The following NLRP1 variants were observed in gnomAD, a reference collection of about 807,000 sequenced individuals.
NLRP1 encodes the protein NACHT, LRR and PYD domains-containing protein 1.
NLRP1 carries 94 observed loss-of-function variants against 136.7 expected under a neutral mutation model. The observed-to-expected ratio is 0.69, with a 90% CI of 0.58 to 0.82. The LOEUF is 0.82. NLRP1 is among the 40% of genes least tolerant of loss of function. NLRP1 has a pLI of 0.00. For missense variants in NLRP1, 1,575 were observed against 1,802.7 expected (o/e 0.87, Z 2.29); for synonymous variants, 690 against 725.1 (o/e 0.95, Z 0.78).
intron 5 of NLRP1, among the ~76,000 whole-genome samples, chr17:5,548,273 C>T: frequency 6.6e-6 from 1 of 152,218 alleles, no homozygotes; most frequent in Non-Finnish European, 1.5e-5. Flanking sequence ...AGATGGGAAC[C>T]TCTCAGCTTC....
chr17:5,581,850 G>C lies in NLRP1; in HGVS notation c.652+9C>G. On this transcript the variant is annotated intron_variant, in intron 3 of 16. Coordinates refer to ENST00000572272, the MANE Select transcript of NLRP1 (RefSeq NM_033004.4). ...TCACCACCCCGCCAGGAGCTCAGTA[G>C]GGTCTCACCTGTGTAGTAAATTCCT... 2 of 1,608,626 alleles carry C rather than the reference G, an allele frequency of 1.2e-6. No individual in the cohort carries two copies. Among genetic ancestry groups the C allele is most frequent in the African/African-American group, 1.3e-5 (1 of 74,932 alleles).
chr17:5,559,513 T>A lies in NLRP1; in HGVS notation c.1183A>T (p.Ile395Phe). 6.2e-7 allele frequency: 1 copy of A among 1,614,226 alleles called. No individual in the cohort carries two copies. ...TCTGGCCTAGACAGGATCTGTCTAATGGGAGCCGGAGTGGCTGTCCCATCT... is the reference window on the plus strand; with the variant it reads ...TCTGGCCTAGACAGGATCTGTCTAAAGGGAGCCGGAGTGGCTGTCCCATCT... ...GKDGTATPAP[I>F]RQILSRPERL... The change falls in exon 4 of 17, where the codon ATT (isoleucine) becomes TTT (phenylalanine). Residue 395 changes from isoleucine to phenylalanine, a missense_variant. Ile to Phe is a conservative substitution (Grantham distance 21, BLOSUM62 0). Transcript: ENST00000572272.
chr17:5,564,328 C>A (rs1272058308), intron 3 of NLRP1, among the ~76,000 whole-genome samples: 1 of 152,116 alleles, frequency 6.6e-6, no homozygotes, highest in Non-Finnish European at 1.5e-5. Context: ...CACTAACTAT[C>A]CCCACCTTTC....
chr17:5,539,944 T>C (rs1284791668), intron 6 of NLRP1, among the ~76,000 whole-genome samples: 1 of 152,234 alleles, frequency 6.6e-6, no homozygotes. Context: ...TCTCACTCTG[T>C]GTCCCAGGCC....
At chr17:5,570,745 G>A (rs1029802532) in intron 3 of NLRP1, among the ~76,000 whole-genome samples, 7 of 152,054 alleles carry the variant, frequency 4.6e-5, no homozygotes, top group African/African-American at 1.7e-4. Flanking sequence ...CATTCTATGA[G>A]TTAGGTATCA....
intron 5 of NLRP1, among the ~76,000 whole-genome samples, chr17:5,551,795 G>A (rs1402310660): frequency 2.6e-5 from 4 of 151,942 alleles, no homozygotes; most frequent in Non-Finnish European, 5.9e-5. Flanking sequence ...TTAGAGATAA[G>A]GTCTGTCTCT....
chr17:5,543,119 C>T (rs549523825), intron 5 of NLRP1, among the ~76,000 whole-genome samples: 1 of 152,088 alleles, frequency 6.6e-6, no homozygotes, highest in Non-Finnish European at 1.5e-5. Flanking sequence ...CGTGAGCCAC[C>T]GTGCCCAGCC....
At chr17:5,518,162 G>T in intron 14 of NLRP1, 1 of 300,960 alleles carries the variant, frequency 3.3e-6, no homozygotes, top group Non-Finnish European at 6.2e-6. Context: ...CCCCCATCTT[G>T]AATCCAAACC....
rs993173274 is a variant in NLRP1, at chr17:5,533,881, T to C, written c.3052+16A>G. On this transcript the variant is annotated intron_variant, in intron 9 of 16. Transcript: ENST00000572272. ...ACCCCTGTCACGATGCTCCCAGCCT[T>C]GCCCCTTCAAACTACCTGATCCGAG... The C allele has an allele frequency of 1.3e-6, 2 of 1,561,824 alleles. No individual in the cohort carries two copies. The highest frequency in any genetic ancestry group is 1.8e-6 in the Non-Finnish European group (2 of 1,136,540).
In NLRP1 at chr17:5,519,368, A is replaced by G. The variant is rs1486546896; in HGVS notation, c.3916-1481T>C. ...GCCATCTTGGCCAGGCTGGTCTGGAACTCCTGATCTTAGGTGATCTGCCTG... is the reference window on the plus strand; with the variant it reads ...GCCATCTTGGCCAGGCTGGTCTGGAGCTCCTGATCTTAGGTGATCTGCCTG... On this transcript the variant is annotated intron_variant, in intron 14 of 16. Transcript: ENST00000572272. Among the ~76,000 whole-genome samples the G allele has an allele frequency of 4.0e-5, 6 of 148,406 alleles. No individual in the cohort carries two copies. The East Asian group carries it at 1.2e-3, about 29-fold the overall frequency.
intron 3 of NLRP1, among the ~76,000 whole-genome samples, chr17:5,571,417 A>G (rs926601328): frequency 1.3e-5 from 2 of 152,212 alleles, no homozygotes; most frequent in Admixed American, 6.5e-5. Context: ...AAGTTTCAGG[A>G]TACAAAATCA....
chr17:5,520,896 C>T lies in NLRP1; in HGVS notation c.3900G>A (p.Leu1300=). The change falls in exon 14 of 17, where the codon CTG becomes CTA. Residue 1300 remains leucine (L), a synonymous_variant. Transcript: ENST00000572272. ...YTVSGSGSGM[L]EILPKELELC... ...GGCTGCTCACCTTGGGGAGTATTTC[C>T]AGCATCCCTGAACCAGACCCAGACA... 6.2e-7 allele frequency: 1 copy of T among 1,603,696 alleles called. No homozygotes were observed. Among genetic ancestry groups the T allele is most frequent in the Non-Finnish European group, 8.5e-7 (1 of 1,173,906 alleles).
intron 3 of NLRP1, among the ~76,000 whole-genome samples, chr17:5,563,246 G>A (rs2151808548): frequency 6.6e-6 from 1 of 152,316 alleles, no homozygotes. Flanking sequence ...GTGTGCACTA[G>A]TGCCTCAGCA....
chr17:5,506,626 T>C (rs959529731), intron 15 of NLRP1, among the ~76,000 whole-genome samples: 14 of 151,304 alleles, frequency 9.3e-5, no homozygotes, highest in Non-Finnish European at 1.3e-4. Context: ...GTGAGGTGGC[T>C]CCCGCCTGTA....
rs147371989 is a variant in NLRP1, at chr17:5,582,679, G to A, written c.439C>T (p.Arg147Cys). The change falls in exon 2 of 17, where the codon CGC becomes TGC. Residue 147 changes from arginine to cysteine, a missense_variant. By Grantham distance (180) the Arg-to-Cys change is radical (BLOSUM62 -3). Transcript: ENST00000572272. ...LRQLPDTSGR[R>C]WREISASLLY... ...CCTCAGCAAGCCTCACCTCTCCAGC[G>A]GCGTCCAGATGTGTCAGGCAGCTGT... The A allele has an allele frequency of 3.4e-4, 545 of 1,613,922 alleles. No homozygotes were observed. Among genetic ancestry groups the A allele is most frequent in the Non-Finnish European group, 4.5e-4 (528 of 1,179,984 alleles).
At chr17:5,502,015 C>T (rs906141811) in intron 15 of NLRP1, 40 of 700,060 alleles carry the variant, frequency 5.7e-5, no homozygotes, top group African/African-American at 4.4e-4. Context: ...TGAAAGGCCC[C>T]GGGGTGAACC....
intron 3 of NLRP1, among the ~76,000 whole-genome samples, chr17:5,573,357 G>A (rs1299928673): frequency 6.6e-6 from 1 of 152,214 alleles, no homozygotes; most frequent in Non-Finnish European, 1.5e-5. Flanking sequence ...GCTCAAGGAG[G>A]CCTGCCTGCC....
chr17:5,564,158 T>C (rs1217827336), intron 3 of NLRP1, among the ~76,000 whole-genome samples: 1 of 152,214 alleles, frequency 6.6e-6, no homozygotes, highest in African/African-American at 2.4e-5. Context: ...TCATGGAGAA[T>C]GGGGTATGCA....
At chr17:5,575,762 G>A (rs1490313189) in intron 3 of NLRP1, among the ~76,000 whole-genome samples, 1 of 152,124 alleles carries the variant, frequency 6.6e-6, no homozygotes, top group Non-Finnish European at 1.5e-5. Context: ...ACTCAGCTCT[G>A]CACCAAGGGA....
Sources: gnomAD v4.1 joint callset for allele counts (sites outside exome capture counted in the v4.1 genomes callset) on GRCh38, gnomAD v4.1.1 for gene constraint, MANE v1.5 for transcripts, NCBI Gene and HGNC (gene_info 2026-07-23, HGNC 2026-07-21) for gene names.